The following ST7 variants were observed in gnomAD, a reference collection of about 807,000 sequenced individuals.
ST7 encodes suppressor of tumorigenicity 7 protein.
In ST7, 28 loss-of-function variants were observed where a neutral mutation model predicts 78.7. That is an observed-to-expected ratio of 0.36 (90% CI 0.26 to 0.49). The LOEUF (loss-of-function observed/expected upper bound fraction) is 0.49, where lower values mean the gene tolerates loss of function less well. ST7 is among the 20% of genes least tolerant of loss of function. The pLI, the probability that ST7 is intolerant of heterozygous loss-of-function variation, is 0.99. For synonymous variants in ST7, 247 were observed against 249.6 expected (o/e 0.99, Z 0.10); for missense variants, 418 against 696.0 (o/e 0.60, Z 4.49).
intron 1 of ST7, among the ~76,000 whole-genome samples, chr7:116,969,208 G>A (rs1393869377): frequency 1.4e-4 from 22 of 152,106 alleles, no homozygotes; most frequent in Admixed American, 1.4e-3. Flanking sequence ...CCTCTTGCAT[G>A]TGGCAGTTTT....
intron 10 of ST7, among the ~76,000 whole-genome samples, chr7:117,186,364 T>C (rs752176187): frequency 2.6e-5 from 4 of 152,174 alleles, no homozygotes; most frequent in African/African-American, 4.8e-5. Flanking sequence ...AGCACCGTGA[T>C]AACTATGATA....
intron 1 of ST7, chr7:117,020,591 A>C: frequency 6.5e-7 from 1 of 1,548,934 alleles, no homozygotes; most frequent in Non-Finnish European, 8.7e-7. Context: ...TTTAAAAAGC[A>C]GCCTCTGGAG....
intron 3 of ST7, among the ~76,000 whole-genome samples, chr7:117,126,595 T>A (rs1403338079): frequency 6.6e-6 from 1 of 151,846 alleles, no homozygotes; most frequent in Non-Finnish European, 1.5e-5. Flanking sequence ...AATTACCCAC[T>A]CAATACATGT....
intron 10 of ST7, among the ~76,000 whole-genome samples, chr7:117,183,286 C>T (rs1454507940): frequency 1.3e-4 from 19 of 151,748 alleles, no homozygotes; most frequent in Admixed American, 3.9e-4. Flanking sequence ...ATTATCCAGG[C>T]GTGGTGGTGT....
rs1334238244 is a variant in ST7, at chr7:117,086,346, G to A, written c.152-13416G>A. On this transcript the variant is annotated intron_variant, in intron 1 of 15. Transcript: ENST00000323984. ...AGGTTGACTGACTCATTCAAACCTA[G>A]GACTGTAGCTTCATTAACCTTGAGT... 2.0e-5 allele frequency among the ~76,000 whole-genome samples: 3 copies of A among 152,082 alleles called. No homozygotes were observed. In the South Asian group the frequency reaches 6.2e-4, roughly 32 times the overall value.
intron 1 of ST7, among the ~76,000 whole-genome samples, chr7:117,085,983 C>A (rs546099961): frequency 6.6e-6 from 1 of 152,114 alleles, no homozygotes; most frequent in African/African-American, 2.4e-5. Flanking sequence ...TTAAGCCTAG[C>A]TAGTAATCAA....
At chr7:117,187,325 C>A (rs895754829) in intron 10 of ST7, among the ~76,000 whole-genome samples, 2 of 152,056 alleles carry the variant, frequency 1.3e-5, no homozygotes, top group African/African-American at 4.8e-5. Flanking sequence ...ACATTTCCCT[C>A]TTTGATATTG....
Position 116,972,933 on chromosome 7 carries a change from C to T in ST7, c.151+19242C>T, listed in dbSNP as rs182635705. The stretch of plus-strand genomic sequence containing the variant: ...CCATGGTGCCCACTCAGCTACTGCT[C>T]GCACTCCGATTCCTGCCTCCTCTGC... On this transcript the variant is annotated intron_variant, in intron 1 of 15. Transcript: ENST00000323984. 2.4e-4 allele frequency: 299 copies of T among 1,268,954 alleles called. No homozygotes were observed. The African/African-American group carries it at 3.9e-3, about 17-fold the overall frequency. 78.6% of individuals were successfully genotyped at this position (1,268,954 alleles called of 1,614,324 possible).
At chr7:117,067,441 C>T (rs750359587) in intron 1 of ST7, among the ~76,000 whole-genome samples, 10 of 152,150 alleles carry the variant, frequency 6.6e-5, no homozygotes, top group Non-Finnish European at 1.3e-4. Context: ...TAGAACTGAG[C>T]TTGGTTCTGA....
At chr7:117,044,264 T>G (rs575992428) in intron 1 of ST7, among the ~76,000 whole-genome samples, 9 of 152,328 alleles carry the variant, frequency 5.9e-5, no homozygotes, top group African/African-American at 2.2e-4. Flanking sequence ...CAAAACAAAT[T>G]TGTTAACATC....
At chr7:117,010,078 A>ACTT (rs2115906085) in intron 1 of ST7, among the ~76,000 whole-genome samples, 1 of 152,350 alleles carries the variant, frequency 6.6e-6, no homozygotes, top group African/African-American at 2.4e-5. Flanking sequence ...TTTGTGCTCA[A>ACTT]TAAGGATGAT....
intron 1 of ST7, among the ~76,000 whole-genome samples, chr7:117,065,281 T>A (rs968130543): frequency 7.0e-6 from 1 of 143,798 alleles, no homozygotes; most frequent in Non-Finnish European, 1.5e-5. Flanking sequence ...CGATCTCCGC[T>A]CACTGCAATC....
Position 117,099,788 on chromosome 7 carries a change from C to G in ST7, c.178C>G (p.Pro60Ala). The G allele has an allele frequency of 6.2e-7, 1 of 1,613,616 alleles. No individual in the cohort carries two copies. The highest frequency in any genetic ancestry group is 8.5e-7 in the Non-Finnish European group (1 of 1,179,798). The change falls in exon 2 of 16, where the codon CCG becomes GCG. Residue 60 changes from proline (P) to alanine (A), a missense_variant. By Grantham distance (27) the Pro-to-Ala change is conservative (BLOSUM62 -1). Around this residue, in one of 4 missense-constraint regions of ST7, gnomAD observed 23 missense variants for 67.7 expected, o/e 0.34. Transcript: ENST00000323984. Reference sequence around the variant, plus strand: ...GAGCATGTTTTTGAACACATTAACACCGAAGTTCTACGTGGCCCTAACAGG... The same window carrying G: ...GAGCATGTTTTTGAACACATTAACAGCGAAGTTCTACGTGGCCCTAACAGG... ...TVSMFLNTLT[P>A]KFYVALTGTS...
intron 15 of ST7, among the ~76,000 whole-genome samples, chr7:117,225,592 TCCCACGCCACAC>T (rs1467749959): frequency 6.6e-6 from 1 of 151,964 alleles, no homozygotes; most frequent in African/African-American, 2.4e-5. Context: ...CTCCCGAAGC[TCCCACGCCACAC>T]CCCACACCCC....
At chr7:117,156,168 C>A (rs1243306866) in intron 9 of ST7, among the ~76,000 whole-genome samples, 1 of 152,068 alleles carries the variant, frequency 6.6e-6, no homozygotes, top group Non-Finnish European at 1.5e-5. Flanking sequence ...TTTTCCTTTC[C>A]CCAGAATGCT....
intron 12 of ST7, among the ~76,000 whole-genome samples, chr7:117,195,653 T>G (rs1810244594): frequency 6.6e-6 from 1 of 152,130 alleles, no homozygotes; most frequent in Non-Finnish European, 1.5e-5. Context: ...AAAAAGCCCC[T>G]TATAAAACCA....
At chr7:117,028,561 G>A (rs1419111246) in intron 1 of ST7, among the ~76,000 whole-genome samples, 2 of 152,190 alleles carry the variant, frequency 1.3e-5, no homozygotes, top group African/African-American at 4.8e-5. Flanking sequence ...GCCCGGACTT[G>A]TCTCAGAAGT....
At chr7:117,109,848 A>G (rs1193832895) in intron 2 of ST7, among the ~76,000 whole-genome samples, 1 of 152,222 alleles carries the variant, frequency 6.6e-6, no homozygotes. Context: ...TTCACCATGA[A>G]CAAGTGGGTT....
chr7:117,180,728 C>A (rs934777526), intron 10 of ST7, among the ~76,000 whole-genome samples: 1 of 152,152 alleles, frequency 6.6e-6, no homozygotes, highest in Admixed American at 6.6e-5. Context: ...CAGCTCACTG[C>A]AGTCTCAACT....
Sources: gnomAD v4.1 joint callset for allele counts (sites outside exome capture counted in the v4.1 genomes callset) on GRCh38, gnomAD v4.1.1 for gene constraint, gnomAD v4.1.1 regional missense constraint, MANE v1.5 for transcripts, NCBI Gene and HGNC (gene_info 2026-07-23, HGNC 2026-07-21) for gene names.